The following PCDHGB3 variants were observed in gnomAD, a reference collection of about 807,000 sequenced individuals.
PCDHGB3 encodes protocadherin gamma-B3.
Under a neutral mutation model 59.2 loss-of-function variants are expected in PCDHGB3, and 40 were observed. The observed-to-expected ratio is 0.68, with a 90% CI of 0.52 to 0.88. The LOEUF is 0.88. PCDHGB3 is among the 40% of genes least tolerant of loss of function. The pLI is 0.00. For synonymous variants in PCDHGB3, 581 were observed against 503.6 expected, an observed-to-expected ratio of 1.15 and a Z score of -2.06; for missense variants, 1,309 against 1,187.9, an observed-to-expected ratio of 1.10 and a Z score of -1.50.
chr5:141,411,868 A>G (rs2095520425), intron 1 of PCDHGB3: 1 of 152,224 alleles, frequency 6.6e-6, no homozygotes, highest in South Asian at 2.1e-4. Flanking sequence ...TCAAAAAAAA[A>G]AGACATTTCT....
At chr5:141,447,283 G>T (rs1194678678) in intron 1 of PCDHGB3, among the ~76,000 whole-genome samples, 1 of 152,122 alleles carries the variant, frequency 6.6e-6, no homozygotes, top group East Asian at 1.9e-4. Context: ...GGGACTACAG[G>T]CACATGCCAC....
Position 141,400,130 on chromosome 5 carries a change from T to C in PCDHGB3, c.2415+27321T>C, listed in dbSNP as rs369250985. On this transcript the variant is annotated intron_variant, in intron 1 of 3. Transcript: ENST00000576222. ...TTTGCTGACAGCTTGCAGGAGGTGC[T>C]GCCGGATATCACTGACCGCCCTGTA... is the stretch of plus-strand genomic sequence containing the variant. The C allele has an allele frequency of 1.9e-6, 3 of 1,613,954 alleles. No individual in the cohort carries two copies. The African/African-American group carries it at 4.0e-5, about 22-fold the overall frequency.
intron 1 of PCDHGB3, among the ~76,000 whole-genome samples, chr5:141,449,440 C>T (rs2098639026): frequency 6.6e-6 from 1 of 151,742 alleles, no homozygotes; most frequent in Admixed American, 6.6e-5. Flanking sequence ...AACTCCATCT[C>T]TACTAAAAAT....
chr5:141,372,633 A>ACTT lies in PCDHGB3; in HGVS notation c.2240_2242dup (p.Thr747_Leu748insSer). 1 of 1,613,996 alleles carries ACTT rather than the reference A, an allele frequency of 6.2e-7. No individual in the cohort carries two copies. Among genetic ancestry groups the ACTT allele is most frequent in the Non-Finnish European group, 8.5e-7 (1 of 1,179,866 alleles). On this transcript the variant is annotated inframe_insertion, in exon 1 of 4. Transcript: ENST00000576222. ...AGTTCTCCCCACCTACAGCGAAAGGACTTTGCCTTATTCCTACAATCCGTG... is the reference window on the plus strand; with the variant it reads ...AGTTCTCCCCACCTACAGCGAAAGGACTTCTTTGCCTTATTCCTACAATCCGTG...
intron 1 of PCDHGB3, among the ~76,000 whole-genome samples, chr5:141,451,924 G>C (rs1337159204): frequency 1.3e-5 from 2 of 152,008 alleles, no homozygotes; most frequent in African/African-American, 4.8e-5. Context: ...AAGGAAGGGA[G>C]GTAGGGAGGC....
chr5:141,500,188 A>T (rs182086759), intron 2 of PCDHGB3, among the ~76,000 whole-genome samples: 173 of 98,190 alleles, frequency 1.8e-3, no homozygotes, highest in African/African-American at 4.0e-3. Flanking sequence ...TTTTATTTTT[A>T]TTTATTTATT....
intron 1 of PCDHGB3, chr5:141,433,126 G>A (rs1390613447): frequency 1.9e-6 from 3 of 1,614,120 alleles, no homozygotes; most frequent in Middle Eastern, 1.7e-4. Flanking sequence ...AAAAAAGCGA[G>A]CCCCTTTTGC....
intron 1 of PCDHGB3, chr5:141,378,164 A>G (rs772489747): frequency 6.6e-6 from 1 of 152,258 alleles, no homozygotes; most frequent in African/African-American, 2.4e-5. Context: ...GTTGTTAACA[A>G]TAACTAAGCA....
intron 1 of PCDHGB3, chr5:141,383,728 G>C (rs1561598364): frequency 6.2e-7 from 1 of 1,613,878 alleles, no homozygotes; most frequent in African/African-American, 1.3e-5. Flanking sequence ...CAATGGGGAA[G>C]TGACATATTC....
intron 1 of PCDHGB3, chr5:141,385,616 A>G: frequency 1.8e-6 from 2 of 1,098,642 alleles, no homozygotes; most frequent in Non-Finnish European, 2.3e-6. Context: ...TATATTTTAT[A>G]CATTGGAATG....
chr5:141,467,993 C>A (rs984508296), intron 1 of PCDHGB3, among the ~76,000 whole-genome samples: 1 of 152,058 alleles, frequency 6.6e-6, no homozygotes, highest in Admixed American at 6.6e-5. Context: ...AACCACAATT[C>A]TTTCTTCCTC....
intron 1 of PCDHGB3, among the ~76,000 whole-genome samples, chr5:141,407,170 AC>A (rs2154538102): frequency 6.6e-6 from 1 of 152,368 alleles, no homozygotes; most frequent in Admixed American, 6.5e-5. Flanking sequence ...ATCCTTTATG[AC>A]ATACAGACAT....
rs1317717658 is a variant in PCDHGB3, at chr5:141,476,494, G to A, written c.2416-18313G>A. On this transcript the variant is annotated intron_variant, in intron 1 of 3. Coordinates refer to ENST00000576222, the MANE Select transcript of PCDHGB3 (RefSeq NM_018924.5). The surrounding 1 kb of genome is among the most constrained non-coding windows in gnomAD (Gnocchi z 7.6). ...TGTTCAGCGTGGAAGTGGTGATCCA[G>A]GACATCAACGACAACAATCCTGCTT... The A allele has an allele frequency of 6.2e-7, 1 of 1,614,012 alleles. No individual in the cohort carries two copies. The highest frequency in any genetic ancestry group is 8.5e-7 in the Non-Finnish European group (1 of 1,179,988).
chr5:141,421,040 C>T (rs2096541229), intron 1 of PCDHGB3: 1 of 545,472 alleles, frequency 1.8e-6, no homozygotes, highest in East Asian at 3.1e-5. Context: ...GTCCCTCCCT[C>T]CCCCGCCTCT....
intron 1 of PCDHGB3, chr5:141,388,188 T>C: frequency 6.5e-7 from 1 of 1,540,372 alleles, no homozygotes; most frequent in South Asian, 1.1e-5. Context: ...GAAGCCAGCT[T>C]GTGCTCTGGA....
Position 141,493,891 on chromosome 5 carries a change from G to A in PCDHGB3, c.2416-916G>A, listed in dbSNP as rs1595204910. On this transcript the variant is annotated intron_variant, in intron 1 of 3. Transcript: ENST00000576222. The surrounding 1 kb of genome is among the most constrained non-coding windows in gnomAD (Gnocchi z 4.3). ...CCAGTGAGGAGGTGGCTCTAGGAGT[G>A]CTCCATGAGAGTGTGTGATGGGATA... Among the ~76,000 whole-genome samples, 1 of 152,300 alleles carries A rather than the reference G, an allele frequency of 6.6e-6. No homozygotes were observed. The highest frequency in any genetic ancestry group is 1.5e-5 in the Non-Finnish European group (1 of 68,018).
chr5:141,427,712 C>T, intron 1 of PCDHGB3: 2 of 1,051,468 alleles, frequency 1.9e-6, no homozygotes, highest in African/African-American at 1.6e-5. Context: ...GCGCCTCTGA[C>T]CTGGACCTAG....
intron 1 of PCDHGB3, chr5:141,374,786 G>A (rs1476058358): frequency 1.2e-6 from 2 of 1,613,912 alleles, no homozygotes; most frequent in Admixed American, 1.7e-5. Flanking sequence ...AGTTCTAGAT[G>A]TGAATGACAA....
rs561908431 is a variant in PCDHGB3, at chr5:141,510,639, TATC to T, written c.2564-304_2564-302del. Among the ~76,000 whole-genome samples the T allele has an allele frequency of 8.5e-3, 1,289 of 152,298 alleles. 6 individuals carry two copies. Among genetic ancestry groups the T allele is most frequent in the Middle Eastern group, 0.058 (17 of 294 alleles). On this transcript the variant is annotated intron_variant, in intron 3 of 3. Transcript: ENST00000576222. ...TAAAACCAGAAGAGGTGGTTACCAT[TATC>T]ATCCCCATTTTGCAGATGAGAAAAC...
Sources: gnomAD v4.1 joint callset for allele counts (sites outside exome capture counted in the v4.1 genomes callset) on GRCh38, gnomAD v4.1.1 for gene constraint, Gnocchi (gnomAD v3.1) non-coding constraint, MANE v1.5 for transcripts, NCBI Gene and HGNC (gene_info 2026-07-23, HGNC 2026-07-21) for gene names.